Variants in FAM222B observed in about 807,000 individuals in gnomAD.
FAM222B encodes the protein family with sequence similarity 222 member B, also known as protein FAM222B.
FAM222B carries 12 observed loss-of-function variants against 38.0 expected under a neutral mutation model. The observed-to-expected ratio is 0.32, with a 90% CI of 0.20 to 0.51. The LOEUF is 0.51. FAM222B is among the 20% of genes least tolerant of loss of function. The probability of loss-of-function intolerance (pLI) is 0.97; values close to 1 mark genes in which losing one functional copy is unlikely to be tolerated. For synonymous variants in FAM222B, 329 were observed against 317.2 expected, an observed-to-expected ratio of 1.04 and a Z score of -0.40; for missense variants, 716 against 754.2, an observed-to-expected ratio of 0.95 and a Z score of 0.59.
intron 1 of FAM222B, chr17:28,812,455 C>G (rs2037826076): frequency 6.6e-6 from 1 of 152,456 alleles, no homozygotes; most frequent in South Asian, 2.1e-4. Context: ...TCCCAGCCGC[C>G]GCCGGAAGCC....
chr17:28,779,568 G>A (rs865958114), intron 1 of FAM222B, among the ~76,000 whole-genome samples: 3 of 151,866 alleles, frequency 2.0e-5, no homozygotes, highest in Non-Finnish European at 4.4e-5. Flanking sequence ...TGGCTAACAC[G>A]GTGAAACCCA....
At chr17:28,808,880 CAA>C (rs140919605) in intron 1 of FAM222B, among the ~76,000 whole-genome samples, 1,807 of 152,266 alleles carry the variant, frequency 0.012, 15 homozygotes, top group Middle Eastern at 0.027. Context: ...CCAAACCTTA[CAA>C]CACTCAAGCT....
intron 2 of FAM222B, among the ~76,000 whole-genome samples, chr17:28,761,460 T>C (rs1028494578): frequency 1.3e-5 from 2 of 152,206 alleles, no homozygotes; most frequent in African/African-American, 4.8e-5. Context: ...GGCAGGAGGA[T>C]AGGCCAACGA....
chr17:28,850,293 T>C (rs1203585205), intron 1 of FAM222B, among the ~76,000 whole-genome samples: 1 of 151,764 alleles, frequency 6.6e-6, no homozygotes, highest in East Asian at 1.9e-4. Flanking sequence ...CCCTTGGCCA[T>C]ATGAGTTTCT....
chr17:28,789,244 T>A (rs2036560891), intron 1 of FAM222B, among the ~76,000 whole-genome samples: 1 of 151,006 alleles, frequency 6.6e-6, no homozygotes. Flanking sequence ...TTACGCAGGC[T>A]GGAGTGTGCA....
chr17:28,821,007 G>A (rs893319985), intron 1 of FAM222B, among the ~76,000 whole-genome samples: 4 of 150,340 alleles, frequency 2.7e-5, no homozygotes, highest in African/African-American at 9.8e-5. Flanking sequence ...CCAGGCTGGA[G>A]TGCAACAGTG....
Position 28,767,317 on chromosome 17 carries a change from G to A in FAM222B, c.-40-610C>T, listed in dbSNP as rs1444336649. 2.0e-5 allele frequency among the ~76,000 whole-genome samples: 3 copies of A among 151,956 alleles called. No homozygotes were observed. The East Asian group carries it at 5.8e-4, about 29-fold the overall frequency. On this transcript the variant is annotated intron_variant, in intron 1 of 2. Coordinates refer to ENST00000581407, the MANE Select transcript of FAM222B (RefSeq NM_001077498.3). ...ATTAAAGGCACCCGCCACCACGCCT[G>A]GCTAATTTCTTTGTATTTTTAGTAG...
intron 1 of FAM222B, among the ~76,000 whole-genome samples, chr17:28,768,308 A>G (rs1281526858): frequency 6.6e-6 from 1 of 152,218 alleles, no homozygotes. Flanking sequence ...CTACCTTGTC[A>G]TGATGAGTAT....
chr17:28,818,276 C>T (rs1432585494), intron 1 of FAM222B, among the ~76,000 whole-genome samples: 1 of 152,010 alleles, frequency 6.6e-6, no homozygotes, highest in African/African-American at 2.4e-5. Flanking sequence ...CGCCTGTAAT[C>T]CCAGCACTTT....
intron 1 of FAM222B, among the ~76,000 whole-genome samples, chr17:28,853,516 G>T (rs1283360204): frequency 2.0e-5 from 3 of 152,108 alleles, no homozygotes; most frequent in Non-Finnish European, 4.4e-5. Context: ...AGTAAGAGAT[G>T]ACTTTAAGTC....
At position 28,814,321 on chromosome 17, in the gene FAM222B, G is replaced by C. The variant is rs188820183; in HGVS notation, c.-41+28361C>G. On this transcript the variant is annotated intron_variant, in intron 1 of 2. Coordinates refer to ENST00000581407, the MANE Select transcript of FAM222B (RefSeq NM_001077498.3). ...CTCTACAACACTGCTTAATCCCCCC[G>C]AACACTACTATAATTTAAAACAAAA... is the stretch of plus-strand genomic sequence containing the variant. 2.7e-3 allele frequency among the ~76,000 whole-genome samples: 404 copies of C among 151,990 alleles called. 4 individuals are homozygous for C. The highest frequency in any genetic ancestry group is 9.0e-3 in the African/African-American group (371 of 41,438).
chr17:28,847,707 G>A (rs1017485158), upstream of FAM222B, among the ~76,000 whole-genome samples: 2 of 151,980 alleles, frequency 1.3e-5, no homozygotes, highest in Admixed American at 6.6e-5. Context: ...GAGGTCAGGA[G>A]ATCGAGACCA....
chr17:28,788,434 T>C (rs1271166511), intron 1 of FAM222B, among the ~76,000 whole-genome samples: 4 of 151,878 alleles, frequency 2.6e-5, no homozygotes, highest in Non-Finnish European at 5.9e-5. Context: ...AGACAGGTTT[T>C]TGCCATGTTG....
intron 1 of FAM222B, among the ~76,000 whole-genome samples, chr17:28,835,202 G>C (rs995459462): frequency 6.6e-6 from 1 of 151,918 alleles, no homozygotes; most frequent in Non-Finnish European, 1.5e-5. Context: ...CTGCCACCAC[G>C]CCTGGCTAAT....
intron 1 of FAM222B, among the ~76,000 whole-genome samples, chr17:28,854,687 T>C (rs1282817029): frequency 6.6e-6 from 1 of 152,060 alleles, no homozygotes; most frequent in East Asian, 1.9e-4. Flanking sequence ...CCCACAACCA[T>C]TCCTCCCTCG....
intron 1 of FAM222B, among the ~76,000 whole-genome samples, chr17:28,809,766 G>GCTCCC (rs2037659947): frequency 6.6e-6 from 1 of 152,008 alleles, no homozygotes; most frequent in Non-Finnish European, 1.5e-5. Flanking sequence ...TTGAGGCCAG[G>GCTCCC]AGTTTGAGAC....
intron 1 of FAM222B, among the ~76,000 whole-genome samples, chr17:28,833,598 G>C (rs1361031355): frequency 7.5e-6 from 1 of 132,840 alleles, no homozygotes; most frequent in Non-Finnish European, 1.6e-5. Flanking sequence ...GGGCAACAGA[G>C]TGAGACTTTG....
intron 1 of FAM222B, among the ~76,000 whole-genome samples, chr17:28,768,911 C>T (rs978690398): frequency 5.9e-5 from 9 of 151,532 alleles, no homozygotes. Context: ...ATAACTTCTC[C>T]CTTAAGACCC....
chr17:28,815,456 C>T (rs945247642), intron 1 of FAM222B, among the ~76,000 whole-genome samples: 7 of 152,158 alleles, frequency 4.6e-5, no homozygotes, highest in Admixed American at 2.6e-4. Context: ...CCTCGTAATC[C>T]GCCCGACTCG....
Sources: gnomAD v4.1 joint callset for allele counts (sites outside exome capture counted in the v4.1 genomes callset) on GRCh38, gnomAD v4.1.1 for gene constraint, MANE v1.5 for transcripts, NCBI Gene and HGNC (gene_info 2026-07-23, HGNC 2026-07-21) for gene names.